The following ASCC3 variants were observed in gnomAD, a reference collection of about 807,000 sequenced individuals.
The protein encoded by ASCC3 is ASC-1 complex subunit P200.
ASCC3 carries 158 observed loss-of-function variants against 256.3 expected under a neutral mutation model. That is an observed-to-expected ratio of 0.62 (90% CI 0.54 to 0.70). The LOEUF is 0.70. ASCC3 is among the 30% of genes least tolerant of loss of function. ASCC3 has a pLI of 0.00. For synonymous variants in ASCC3, 948 were observed against 883.4 expected (o/e 1.07, Z -1.30); for missense variants, 2,259 against 2,626.0 (o/e 0.86, Z 3.05).
intron 4 of ASCC3, among the ~76,000 whole-genome samples, chr6:100,828,234 G>A (rs550128240): frequency 6.6e-6 from 1 of 152,014 alleles, no homozygotes; most frequent in Non-Finnish European, 1.5e-5. Flanking sequence ...AGCCTAATAT[G>A]TAACTGGAAC....
intron 3 of ASCC3, among the ~76,000 whole-genome samples, chr6:100,853,360 A>T (rs997093292): frequency 1.6e-4 from 24 of 151,842 alleles, no homozygotes; most frequent in African/African-American, 5.6e-4. Flanking sequence ...TGAGTAGAAA[A>T]TTTTAATTAA....
At chr6:100,818,617 C>T (rs1770877077) in intron 4 of ASCC3, among the ~76,000 whole-genome samples, 2 of 147,684 alleles carry the variant, frequency 1.4e-5, no homozygotes, top group Non-Finnish European at 3.0e-5. Context: ...ACATACATAG[C>T]AGTATTTCAT....
At chr6:100,863,915 G>T (rs188378464) in intron 3 of ASCC3, 149 bp downstream of exon 3, 13 of 732,692 alleles carry the variant, frequency 1.8e-5, no homozygotes, top group African/African-American at 3.6e-5. Context: ...GAGCCACCGC[G>T]CCTGGCCAGG....
intron 24 of ASCC3, among the ~76,000 whole-genome samples, chr6:100,640,265 G>A (rs913650845): frequency 3.3e-5 from 5 of 152,162 alleles, no homozygotes; most frequent in Non-Finnish European, 5.9e-5. Context: ...CATATTTACT[G>A]ATGATGTTAA....
chr6:100,707,163 A>G (rs1778625475), intron 13 of ASCC3, among the ~76,000 whole-genome samples: 1 of 152,142 alleles, frequency 6.6e-6, no homozygotes, highest in African/African-American at 2.4e-5. Context: ...CTAAATCAAC[A>G]GTATTTCCTT....
chr6:100,747,163 C>G (rs899236282), intron 10 of ASCC3, among the ~76,000 whole-genome samples: 5 of 150,658 alleles, frequency 3.3e-5, no homozygotes, highest in African/African-American at 9.8e-5. Context: ...AAAAGATGCT[C>G]AACATCATTA....
chr6:100,830,203 G>C (rs764919951), intron 4 of ASCC3, among the ~76,000 whole-genome samples: 1 of 151,598 alleles, frequency 6.6e-6, no homozygotes, highest in East Asian at 2.0e-4. Context: ...AGTAGGAGAC[G>C]GCATTTAGAG....
chr6:100,684,242 C>T (rs1333360524), intron 13 of ASCC3, among the ~76,000 whole-genome samples: 1 of 151,960 alleles, frequency 6.6e-6, no homozygotes, highest in Non-Finnish European at 1.5e-5. Context: ...TCTTATTTCC[C>T]CCAGAACACA....
intron 10 of ASCC3, among the ~76,000 whole-genome samples, chr6:100,731,216 A>T (rs900246080): frequency 1.3e-5 from 2 of 152,190 alleles, no homozygotes; most frequent in African/African-American, 4.8e-5. Flanking sequence ...TTCAAAATTG[A>T]ACATGTAAAA....
At chr6:100,632,742 T>C (rs557243057) in intron 25 of ASCC3, among the ~76,000 whole-genome samples, 1 of 152,140 alleles carries the variant, frequency 6.6e-6, no homozygotes, top group South Asian at 2.1e-4. Flanking sequence ...TATTCTCTTC[T>C]ATGAATGATG....
chr6:100,791,024 G>A (rs1391712165), intron 8 of ASCC3, among the ~76,000 whole-genome samples: 3 of 151,748 alleles, frequency 2.0e-5, no homozygotes, highest in African/African-American at 4.8e-5. Flanking sequence ...AGTTTTGAAT[G>A]ATAAAGCATT....
At chr6:100,589,138 A>G (rs182476262) in intron 36 of ASCC3, among the ~76,000 whole-genome samples, 2 of 152,206 alleles carry the variant, frequency 1.3e-5, no homozygotes, top group East Asian at 3.9e-4. Context: ...TTACCATGTG[A>G]TATATCTGTG....
chr6:100,626,701 G>A (rs1430297273), intron 29 of ASCC3, among the ~76,000 whole-genome samples: 1 of 151,986 alleles, frequency 6.6e-6, no homozygotes, highest in African/African-American at 2.4e-5. Context: ...GAATGTAAAT[G>A]ATAAAGCTTT....
intron 36 of ASCC3, among the ~76,000 whole-genome samples, chr6:100,563,241 C>T (rs561781434): frequency 1.4e-4 from 22 of 152,056 alleles, no homozygotes; most frequent in Non-Finnish European, 2.2e-4. Flanking sequence ...TTTCCTTTTG[C>T]GATTTCTTCA....
At chr6:100,734,938 G>C (rs1297927641) in intron 10 of ASCC3, among the ~76,000 whole-genome samples, 1 of 152,060 alleles carries the variant, frequency 6.6e-6, no homozygotes, top group African/African-American at 2.4e-5. Flanking sequence ...AGAACACATT[G>C]ATTGATACCA....
chr6:100,672,924 T>G (rs780172919), intron 14 of ASCC3, among the ~76,000 whole-genome samples: 8 of 152,006 alleles, frequency 5.3e-5, no homozygotes, highest in Non-Finnish European at 1.0e-4. Context: ...TTACACCGAG[T>G]AAATATTTGC....
chr6:100,791,908 A>G (rs1456430925), intron 8 of ASCC3, among the ~76,000 whole-genome samples: 1 of 151,924 alleles, frequency 6.6e-6, no homozygotes, highest in East Asian at 1.9e-4. Flanking sequence ...AATAACAGCC[A>G]TGATGAGAGT....
At chr6:100,556,741 G>T (rs998124462) in intron 36 of ASCC3, among the ~76,000 whole-genome samples, 7 of 152,152 alleles carry the variant, frequency 4.6e-5, no homozygotes, top group Admixed American at 3.3e-4. Flanking sequence ...GTATGTCAGA[G>T]AAACTAAAGT....
intron 1 of ASCC3, among the ~76,000 whole-genome samples, chr6:100,877,335 A>G: frequency 6.6e-6 from 1 of 152,178 alleles, no homozygotes. Context: ...ATTAGAATTT[A>G]AGATTTCAGT....
Sources: allele counts gnomAD v4.1 joint callset (sites outside exome capture counted in the v4.1 genomes callset), GRCh38; gene constraint gnomAD v4.1.1; transcripts MANE v1.5; gene names NCBI Gene and HGNC (gene_info 2026-07-23, HGNC 2026-07-21).